The following ADAMTSL3 variants were observed in gnomAD, a reference collection of about 807,000 sequenced individuals.
ADAMTSL3 encodes ADAMTS like 3.
In ADAMTSL3, 128 loss-of-function variants were observed where a neutral mutation model predicts 201.7. That is an observed-to-expected ratio of 0.63 (90% confidence interval 0.55 to 0.73). The LOEUF (loss-of-function observed/expected upper bound fraction) is 0.73. ADAMTSL3 is among the 30% of genes least tolerant of loss of function. ADAMTSL3 has a pLI of 0.00. For synonymous variants in ADAMTSL3, 738 were observed against 748.4 expected (o/e 0.99, Z 0.23); for missense variants, 1,990 against 2,119.6 (o/e 0.94, Z 1.20).
intron 7 of ADAMTSL3, among the ~76,000 whole-genome samples, chr15:83,844,420 A>C (rs1432885269): frequency 1.3e-5 from 2 of 152,204 alleles, no homozygotes; most frequent in African/African-American, 4.8e-5. Context: ...TTCCATAGCA[A>C]GGAAGATTGT....
chr15:83,820,981 GGA>G (rs2063854173), intron 6 of ADAMTSL3, among the ~76,000 whole-genome samples: 1 of 152,058 alleles, frequency 6.6e-6, no homozygotes, highest in African/African-American at 2.4e-5. Flanking sequence ...GGCTGAGGCG[GGA>G]GAATCACTTG....
chr15:83,783,498 TAG>T (rs2063210148), intron 4 of ADAMTSL3, among the ~76,000 whole-genome samples: 1 of 152,052 alleles, frequency 6.6e-6, no homozygotes, highest in South Asian at 2.1e-4. Context: ...TGTGGTTTAC[TAG>T]AGTCAAACCT....
intron 3 of ADAMTSL3, among the ~76,000 whole-genome samples, chr15:83,772,442 CCTT>C (rs1395797137): frequency 6.6e-6 from 1 of 151,670 alleles, no homozygotes; most frequent in Non-Finnish European, 1.5e-5. Context: ...TTGTAATTTC[CCTT>C]CTTCTCTGTA....
chr15:83,665,681 A>G (rs983730356), intron 2 of ADAMTSL3, among the ~76,000 whole-genome samples: 3 of 152,216 alleles, frequency 2.0e-5, no homozygotes, highest in African/African-American at 7.2e-5. Context: ...AAAGATGCTA[A>G]TTTCCATAAA....
intron 8 of ADAMTSL3, among the ~76,000 whole-genome samples, chr15:83,866,517 A>C (rs1318177088): frequency 2.0e-5 from 3 of 152,110 alleles, no homozygotes; most frequent in African/African-American, 4.8e-5. Flanking sequence ...GGACAAAAAA[A>C]CAAACACTGT....
chr15:83,853,415 G>A (rs1217550838), intron 7 of ADAMTSL3, among the ~76,000 whole-genome samples: 1 of 152,024 alleles, frequency 6.6e-6, no homozygotes, highest in Non-Finnish European at 1.5e-5. Flanking sequence ...CAATTAAACA[G>A]CAGTGTTTCT....
chr15:83,777,859 G>T (rs1185424212), intron 4 of ADAMTSL3, among the ~76,000 whole-genome samples: 1 of 152,148 alleles, frequency 6.6e-6, no homozygotes, highest in African/African-American at 2.4e-5. Context: ...CCAGTCCAAG[G>T]AAGCTAAAAA....
intron 6 of ADAMTSL3, among the ~76,000 whole-genome samples, chr15:83,829,721 G>T (rs934982079): frequency 6.6e-6 from 1 of 152,166 alleles, no homozygotes; most frequent in Non-Finnish European, 1.5e-5. Context: ...ATTCTGGTAT[G>T]TTGTGTCTTT....
chr15:83,861,108 G>A (rs1313078927), intron 8 of ADAMTSL3, among the ~76,000 whole-genome samples: 2 of 152,194 alleles, frequency 1.3e-5, no homozygotes, highest in African/African-American at 2.4e-5. Context: ...AGGTGGCAGC[G>A]AGGCTGGGGG....
At chr15:83,938,009 A>G (rs1345739958) in intron 17 of ADAMTSL3, among the ~76,000 whole-genome samples, 1 of 151,030 alleles carries the variant, frequency 6.6e-6, no homozygotes, top group Non-Finnish European at 1.5e-5. Context: ...CTGGTTAGGT[A>G]TTTCTGGACA....
chr15:83,724,289 C>T (rs1040733723), intron 3 of ADAMTSL3, among the ~76,000 whole-genome samples: 77 of 151,552 alleles, frequency 5.1e-4, no homozygotes, highest in African/African-American at 1.7e-3. Context: ...AGTAGAGACA[C>T]GGGTTTCACC....
At chr15:83,710,433 AC>A (rs1269249948) in intron 3 of ADAMTSL3, among the ~76,000 whole-genome samples, 1 of 151,906 alleles carries the variant, frequency 6.6e-6, no homozygotes, top group African/African-American at 2.4e-5. Flanking sequence ...CTCATTTTTA[AC>A]CTTTAAAATC....
intron 15 of ADAMTSL3, among the ~76,000 whole-genome samples, chr15:83,900,629 T>C (rs1158997836): frequency 1.3e-5 from 2 of 152,202 alleles, no homozygotes; most frequent in Non-Finnish European, 2.9e-5. Context: ...CTGGCCACTT[T>C]CCCTCTCGGA....
intron 3 of ADAMTSL3, among the ~76,000 whole-genome samples, chr15:83,722,510 T>G (rs573248965): frequency 1.3e-5 from 2 of 152,154 alleles, no homozygotes; most frequent in Non-Finnish European, 2.9e-5. Flanking sequence ...ACAGAAAAAA[T>G]TATGATACAG....
chr15:83,965,128 A>C (rs2067053864), intron 19 of ADAMTSL3, among the ~76,000 whole-genome samples: 1 of 152,216 alleles, frequency 6.6e-6, no homozygotes, highest in East Asian at 1.9e-4. Context: ...CAGTCAAAAT[A>C]ACCAGCTAGC....
intron 9 of ADAMTSL3, among the ~76,000 whole-genome samples, chr15:83,878,342 G>A (rs2065213717): frequency 6.6e-6 from 1 of 152,104 alleles, no homozygotes; most frequent in African/African-American, 2.4e-5. Flanking sequence ...GTTGCCGGGC[G>A]TGGTGGCTCA....
intron 3 of ADAMTSL3, among the ~76,000 whole-genome samples, chr15:83,741,379 G>A (rs926722672): frequency 1.3e-5 from 2 of 152,014 alleles, no homozygotes; most frequent in African/African-American, 4.8e-5. Flanking sequence ...GTCATTAACA[G>A]ATTGTGGAAT....
At chr15:83,864,963 C>G (rs921492443) in intron 8 of ADAMTSL3, among the ~76,000 whole-genome samples, 65 of 152,238 alleles carry the variant, frequency 4.3e-4, no homozygotes, top group African/African-American at 1.5e-3. Context: ...TTCTTATACA[C>G]CAATAACAGA....
intron 6 of ADAMTSL3, among the ~76,000 whole-genome samples, chr15:83,837,676 C>T (rs2064301279): frequency 6.6e-6 from 1 of 151,612 alleles, no homozygotes; most frequent in Non-Finnish European, 1.5e-5. Flanking sequence ...CTCCCAGGCT[C>T]AAGTGATCCC....
Sources: allele counts gnomAD v4.1 joint callset (sites outside exome capture counted in the v4.1 genomes callset), GRCh38; gene constraint gnomAD v4.1.1; transcripts MANE v1.5; gene names NCBI Gene and HGNC (gene_info 2026-07-23, HGNC 2026-07-21).